CCDC125: variants seen among roughly 807,000 people sequenced by gnomAD.
CCDC125 encodes the protein coiled-coil domain-containing protein 125.
In CCDC125, 43 loss-of-function variants were observed where a neutral mutation model predicts 57.4. The observed-to-expected ratio is 0.75, with a 90% CI of 0.59 to 0.97. The LOEUF (loss-of-function observed/expected upper bound fraction) is 0.97, where lower values mean the gene tolerates loss of function less well. CCDC125 is among the 50% of genes least tolerant of loss of function. The pLI is 0.00. For synonymous variants in CCDC125, 187 were observed against 195.2 expected (o/e 0.96, Z 0.35); for missense variants, 563 against 595.7 (o/e 0.95, Z 0.57).
intron 1 of CCDC125, among the ~76,000 whole-genome samples, chr5:69,330,233 T>G (rs1354416049): frequency 6.6e-6 from 1 of 152,172 alleles, no homozygotes; most frequent in Admixed American, 6.6e-5. Context: ...ATGTTTGGCT[T>G]CTTTTACTAA....
intron 1 of CCDC125, among the ~76,000 whole-genome samples, chr5:69,323,265 CGCCACTGCACTCTA>C (rs1760320447): frequency 6.6e-6 from 1 of 151,430 alleles, no homozygotes; most frequent in Non-Finnish European, 1.5e-5. Context: ...GCCGAGATTG[CGCCACTGCACTCTA>C]GCCTGGGCGA....
intron 9 of CCDC125, chr5:69,294,184 C>T: frequency 1.0e-6 from 1 of 958,058 alleles, no homozygotes; most frequent in Non-Finnish European, 1.2e-6. Context: ...CATAAATGTA[C>T]ATTTTCCTTC....
chr5:69,328,309 A>T (rs1760982360), intron 1 of CCDC125, among the ~76,000 whole-genome samples: 1 of 152,206 alleles, frequency 6.6e-6, no homozygotes, highest in African/African-American at 2.4e-5. Flanking sequence ...AAAATTAGAA[A>T]ATAATAAAAT....
At chr5:69,301,392 T>C (rs994481896) in intron 7 of CCDC125, among the ~76,000 whole-genome samples, 2 of 151,958 alleles carry the variant, frequency 1.3e-5, no homozygotes, top group African/African-American at 4.8e-5. Flanking sequence ...CCAGCACTTT[T>C]GGAGGCCAAG....
rs1359288696 is a variant in CCDC125, at chr5:69,315,450, C to CAA, written c.305-1406_305-1405dup. On this transcript the variant is annotated intron_variant, in intron 2 of 11. Transcript: ENST00000396496. The stretch of plus-strand genomic sequence containing the variant: ...GAGATTCTGTCTCAAAAAAAAAAAA[C>CAA]AAAAAAAAAAACAAAAAAAAAAAAG... 5.3e-3 allele frequency among the ~76,000 whole-genome samples: 26 copies of CAA among 4,884 alleles called. 1 individual carries two copies. The highest frequency in any genetic ancestry group is 0.011 in the South Asian group (1 of 92). The allele number at this position is 4,884 out of a possible 152,430, so 3.2% of individuals were successfully genotyped here.
At chr5:69,332,190 T>C (rs2150709574) in intron 1 of CCDC125, among the ~76,000 whole-genome samples, 1 of 152,372 alleles carries the variant, frequency 6.6e-6, no homozygotes, top group African/African-American at 2.4e-5. Context: ...TTTTGTTTCT[T>C]AACTTTTCAT....
chr5:69,296,026 G>A (rs1486670390), intron 8 of CCDC125, among the ~76,000 whole-genome samples: 1 of 151,862 alleles, frequency 6.6e-6, no homozygotes, highest in Non-Finnish European at 1.5e-5. Flanking sequence ...TGGGACTACA[G>A]GCGCCACCAC....
intron 1 of CCDC125, 149 bp downstream of exon 1, chr5:69,332,500 A>C (rs1761535875): frequency 6.6e-6 from 1 of 152,180 alleles, no homozygotes; most frequent in African/African-American, 2.4e-5. Flanking sequence ...GGTCTCTGAA[A>C]TCTATTTCTT....
intron 11 of CCDC125, among the ~76,000 whole-genome samples, chr5:69,285,021 C>T (rs1425205432): frequency 2.6e-5 from 4 of 151,946 alleles, no homozygotes; most frequent in Non-Finnish European, 5.9e-5. Context: ...TGCTTGAACC[C>T]GGGAGGTGGA....
At chr5:69,283,662 A>G (rs1752819784) in intron 11 of CCDC125, among the ~76,000 whole-genome samples, 2 of 151,226 alleles carry the variant, frequency 1.3e-5, no homozygotes, top group Admixed American at 1.3e-4. Flanking sequence ...AGCTGGGACT[A>G]TAGGCGTGCA....
chr5:69,278,218 T>TA (rs10692764), downstream of CCDC125, among the ~76,000 whole-genome samples: 6 of 140,070 alleles, frequency 4.3e-5, no homozygotes, highest in Non-Finnish European at 6.2e-5. Context: ...TATTTTATTT[T>TA]TTTTTGAGAT....
chr5:69,276,971 T>C (rs972816512), downstream of CCDC125: 6 of 745,644 alleles, frequency 8.0e-6, no homozygotes, highest in Admixed American at 1.2e-4. Flanking sequence ...GCTAAATGTT[T>C]AACAAGTGCT....
chr5:69,320,752 T>C (rs1159157864), intron 1 of CCDC125, among the ~76,000 whole-genome samples, 172 bp from the exon 2 acceptor site: 1 of 152,038 alleles, frequency 6.6e-6, no homozygotes, highest in Non-Finnish European at 1.5e-5. Flanking sequence ...TAAGTGTCCA[T>C]CAAAGATGAA....
chr5:69,299,969 A>G (rs372493089), intron 8 of CCDC125, 43 bp downstream of exon 8: 3 of 1,378,606 alleles, frequency 2.2e-6, no homozygotes, highest in African/African-American at 2.8e-5. Flanking sequence ...AAAGGAAAGT[A>G]GCAAATGTCC....
intron 2 of CCDC125, 114 bp downstream of exon 2, chr5:69,320,123 G>T: frequency 9.2e-7 from 1 of 1,089,920 alleles, no homozygotes; most frequent in Non-Finnish European, 1.3e-6. Context: ...ACTCCGTCCA[G>T]AAAAAAAAGA....
chr5:69,298,215 C>T (rs1191648905), intron 8 of CCDC125, among the ~76,000 whole-genome samples: 2 of 151,936 alleles, frequency 1.3e-5, no homozygotes, highest in Non-Finnish European at 2.9e-5. Flanking sequence ...GGGGTTTCAT[C>T]ATGTTGGCCA....
intron 6 of CCDC125, 98 bp from the exon 7 acceptor site, chr5:69,304,027 T>C (rs1055758536): frequency 1.6e-6 from 1 of 635,392 alleles, no homozygotes; most frequent in Non-Finnish European, 2.6e-6. Context: ...AATCTAAATA[T>C]AGTTTTTCCT....
At chr5:69,316,762 C>T (rs1759176470) in intron 2 of CCDC125, among the ~76,000 whole-genome samples, 1 of 152,066 alleles carries the variant, frequency 6.6e-6, no homozygotes, top group African/African-American at 2.4e-5. Flanking sequence ...ATTCTCCCAC[C>T]TCGGCCTCCC....
chr5:69,279,446 T>C (rs1190641195), downstream of CCDC125, among the ~76,000 whole-genome samples: 3 of 152,212 alleles, frequency 2.0e-5, no homozygotes, highest in East Asian at 1.9e-4. Context: ...TCCGCCCACC[T>C]TGGCCTCCCA....
Sources: allele counts gnomAD v4.1 joint callset (sites outside exome capture counted in the v4.1 genomes callset), GRCh38; gene constraint gnomAD v4.1.1; transcripts MANE v1.5; gene names NCBI Gene and HGNC (gene_info 2026-07-23, HGNC 2026-07-21).